RBFOX1: variants seen among roughly 807,000 people sequenced by gnomAD.
RBFOX1 encodes RNA binding fox-1 homolog 1, also known as RNA binding protein fox-1 homolog 1.
RBFOX1 carries 8 observed loss-of-function variants against 57.7 expected under a neutral mutation model. The ratio of observed to expected loss-of-function variants is 0.14; its 90% CI spans 0.08 to 0.25. The LOEUF (loss-of-function observed/expected upper bound fraction) is 0.25, where lower values mean the gene tolerates loss of function less well. Ranked by LOEUF, RBFOX1 falls within the 10% of genes least tolerant of loss-of-function variation. The pLI is 1.00. For synonymous variants in RBFOX1, 326 were observed against 222.4 expected (o/e 1.47, Z -4.15); for missense variants, 611 against 548.5 (o/e 1.11, Z -1.14).
chr16:5,998,682 A>G (rs2060532883), intron 4 of RBFOX1, among the ~76,000 whole-genome samples: 1 of 152,112 alleles, frequency 6.6e-6, no homozygotes, highest in African/African-American at 2.4e-5. Context: ...GTCCCATCCG[A>G]ATGTCCTTTC....
chr16:7,404,096 A>C (rs1356590298), intron 4 of RBFOX1, among the ~76,000 whole-genome samples: 1 of 133,754 alleles, frequency 7.5e-6, no homozygotes, highest in Non-Finnish European at 1.7e-5. Flanking sequence ...TCTGTCACCC[A>C]GGCTAGAGTG....
chr16:5,271,450 C>T (rs1041457255), intron 1 of RBFOX1, among the ~76,000 whole-genome samples: 6 of 152,254 alleles, frequency 3.9e-5, no homozygotes, highest in African/African-American at 1.4e-4. Context: ...CCCTAGGGAT[C>T]CTGCTGTTCA....
At position 6,111,032 on chromosome 16, in the gene RBFOX1, C is replaced by A. The variant is rs148116079; in HGVS notation, c.-127+91040C>A. On this transcript the variant is annotated intron_variant, in intron 1 of 15. Coordinates refer to ENST00000550418, the MANE Select transcript of RBFOX1 (RefSeq NM_018723.4). Reference sequence around the variant, plus strand: ...GGGTTCAGTGGAAGGAAGAGATTCTCATGGGTTATACAGGGGTGGAATGGG... The same window carrying A: ...GGGTTCAGTGGAAGGAAGAGATTCTAATGGGTTATACAGGGGTGGAATGGG... Among the ~76,000 whole-genome samples, 33 of 152,176 alleles carry A rather than the reference C, an allele frequency of 2.2e-4. No individual in the cohort carries two copies. In the East Asian group the frequency reaches 6.2e-3, roughly 29 times the overall value.
At chr16:5,802,485 G>A (rs9922028) in intron 3 of RBFOX1, among the ~76,000 whole-genome samples, 40 of 152,056 alleles carry the variant, frequency 2.6e-4, no homozygotes, top group African/African-American at 7.7e-4. Context: ...AGTGATTCTT[G>A]GCCCTTCCCT....
At chr16:6,212,016 AG>A (rs1174901126) in intron 1 of RBFOX1, among the ~76,000 whole-genome samples, 29 of 152,054 alleles carry the variant, frequency 1.9e-4, no homozygotes, top group Admixed American at 1.8e-3. Flanking sequence ...TGCCTGGCTA[AG>A]TTTTTGTATT....
intron 3 of RBFOX1, among the ~76,000 whole-genome samples, chr16:6,978,548 C>A (rs910357442): frequency 6.6e-6 from 1 of 151,844 alleles, no homozygotes; most frequent in East Asian, 2.0e-4. Context: ...AAGTAACTCA[C>A]TACAGTCATA....
At chr16:6,823,721 A>G (rs1323312133) in intron 3 of RBFOX1, among the ~76,000 whole-genome samples, 1 of 152,108 alleles carries the variant, frequency 6.6e-6, no homozygotes, top group Non-Finnish European at 1.5e-5. Context: ...TTCATTCAAT[A>G]TTTACCACCA....
chr16:7,277,718 T>C (rs909804130), intron 4 of RBFOX1, among the ~76,000 whole-genome samples: 15 of 152,180 alleles, frequency 9.9e-5, no homozygotes, highest in African/African-American at 3.6e-4. Context: ...AGGACTTCTA[T>C]AGGCACAGAA....
chr16:5,255,942 G>C (rs7185135), intron 1 of RBFOX1, among the ~76,000 whole-genome samples: 123,134 of 151,358 alleles, frequency 0.81, 50,430 homozygotes, highest in East Asian at 1. Context: ...ATAGCTTCTA[G>C]TCTTGCAGAT....
At chr16:6,342,232 G>C (rs985300514) in intron 2 of RBFOX1, among the ~76,000 whole-genome samples, 1 of 152,200 alleles carries the variant, frequency 6.6e-6, no homozygotes, top group Non-Finnish European at 1.5e-5. Flanking sequence ...CAGTTGGGAA[G>C]CTGTTGCAGA....
intron 3 of RBFOX1, among the ~76,000 whole-genome samples, chr16:6,893,748 G>A (rs1313895831): frequency 6.6e-6 from 1 of 152,166 alleles, no homozygotes; most frequent in Non-Finnish European, 1.5e-5. Context: ...CATTTATCAT[G>A]AAGACCAAAA....
intron 4 of RBFOX1, among the ~76,000 whole-genome samples, chr16:6,010,131 C>T (rs548239638): frequency 6.6e-6 from 1 of 152,242 alleles, no homozygotes; most frequent in Admixed American, 6.5e-5. Flanking sequence ...TTGCCCCACA[C>T]CTCGTATCCC....
At chr16:5,785,783 T>A (rs1313374302) in intron 3 of RBFOX1, among the ~76,000 whole-genome samples, 1 of 152,146 alleles carries the variant, frequency 6.6e-6, no homozygotes, top group Non-Finnish European at 1.5e-5. Flanking sequence ...TGCCTTGGCC[T>A]CCCAAAGTGC....
intron 2 of RBFOX1, among the ~76,000 whole-genome samples, chr16:6,621,262 G>A (rs145876464): frequency 2.6e-5 from 4 of 152,078 alleles, no homozygotes; most frequent in Admixed American, 2.0e-4. Context: ...GAGATGGAGA[G>A]TATCTTGGCT....
At chr16:7,569,497 A>T (rs185903114) in intron 5 of RBFOX1, among the ~76,000 whole-genome samples, 1 of 152,042 alleles carries the variant, frequency 6.6e-6, no homozygotes, top group African/African-American at 2.4e-5. Flanking sequence ...CCTCTGTTTC[A>T]CTTCTCAGGA....
intron 1 of RBFOX1, among the ~76,000 whole-genome samples, chr16:6,205,696 C>A (rs928021255): frequency 1.3e-5 from 2 of 151,838 alleles, no homozygotes; most frequent in East Asian, 3.9e-4. Flanking sequence ...GATAGGCACT[C>A]TCTCTTTTTT....
At chr16:6,098,830 G>T (rs2096274095) in intron 1 of RBFOX1, among the ~76,000 whole-genome samples, 1 of 152,152 alleles carries the variant, frequency 6.6e-6, no homozygotes, top group Non-Finnish European at 1.5e-5. Context: ...GGAGCCAGGT[G>T]CATCAGTTTC....
intron 1 of RBFOX1, among the ~76,000 whole-genome samples, chr16:6,027,820 G>A (rs2095224646): frequency 6.6e-6 from 1 of 152,200 alleles, no homozygotes; most frequent in Admixed American, 6.5e-5. Context: ...GTGACAAATT[G>A]AGAGTGAAGG....
At position 7,401,746 on chromosome 16, in the gene RBFOX1, A is replaced by T. The variant is rs1025339748; in HGVS notation, c.28-116401A>T. Among the ~76,000 whole-genome samples, 10 of 152,324 alleles carry T rather than the reference A, an allele frequency of 6.6e-5. No homozygotes were observed. In the East Asian group the frequency reaches 1.9e-3, roughly 29 times the overall value. On this transcript the variant is annotated intron_variant, in intron 4 of 15. Transcript: ENST00000550418. ...ATGAGGAAATGTATTTGAAAATATT[A>T]TGGACTCAACAGACATATTGGCACA...
Sources: gnomAD v4.1 joint callset for allele counts (sites outside exome capture counted in the v4.1 genomes callset) on GRCh38, gnomAD v4.1.1 for gene constraint, MANE v1.5 for transcripts, NCBI Gene and HGNC (gene_info 2026-07-23, HGNC 2026-07-21) for gene names.